Variants in TCF12 observed in about 807,000 individuals in gnomAD.
TCF12 encodes the protein transcription factor 12, also known as DNA-binding protein HTF4.
A neutral mutation model predicts 86.0 loss-of-function variants in TCF12; 45 were observed. The observed-to-expected ratio is 0.52, with a 90% CI of 0.41 to 0.67. TCF12 has a LOEUF of 0.67. Among genes scored for constraint, TCF12 ranks in the 30% least tolerant of loss-of-function variants. The probability of loss-of-function intolerance (pLI) is 0.00; values close to 1 mark genes in which losing one functional copy is unlikely to be tolerated. For missense variants in TCF12, 881 were observed against 859.9 expected (o/e 1.02, Z -0.31); for synonymous variants, 330 against 299.6 (o/e 1.10, Z -1.05).
intron 4 of TCF12, among the ~76,000 whole-genome samples, chr15:57,072,496 CTCT>C (rs2069487181): frequency 6.6e-6 from 1 of 151,966 alleles, no homozygotes; most frequent in South Asian, 2.1e-4. Flanking sequence ...ACTTTTTCTT[CTCT>C]AGTGTAGATA....
intron 8 of TCF12, among the ~76,000 whole-genome samples, chr15:57,206,620 C>T (rs1170458130): frequency 3.3e-5 from 4 of 122,340 alleles, no homozygotes; most frequent in Non-Finnish European, 6.4e-5. Context: ...GACAGTCTCG[C>T]TCTGTTGCCC....
chr15:57,188,111 C>G (rs1218100563), intron 6 of TCF12, among the ~76,000 whole-genome samples: 1 of 151,900 alleles, frequency 6.6e-6, no homozygotes, highest in Non-Finnish European at 1.5e-5. Context: ...AGTAAAGTTG[C>G]AGGATGTATG....
At chr15:56,945,820 G>C (rs2060970257) in intron 3 of TCF12, among the ~76,000 whole-genome samples, 1 of 152,140 alleles carries the variant, frequency 6.6e-6, no homozygotes, top group Non-Finnish European at 1.5e-5. Flanking sequence ...TCATCCTCAT[G>C]AATTGATTAA....
At chr15:57,258,710 C>T (rs1388763170) in intron 16 of TCF12, among the ~76,000 whole-genome samples, 5 of 151,986 alleles carry the variant, frequency 3.3e-5, no homozygotes, top group African/African-American at 1.2e-4. Context: ...TGTATGAGAG[C>T]GTAGTAACTA....
chr15:57,281,416 T>C (rs1246051701), intron 19 of TCF12, among the ~76,000 whole-genome samples: 1 of 152,112 alleles, frequency 6.6e-6, no homozygotes, highest in East Asian at 1.9e-4. Flanking sequence ...TATCTATCCT[T>C]CTCCCTCGAA....
At chr15:57,020,033 A>G (rs1156315453) in intron 3 of TCF12, among the ~76,000 whole-genome samples, 1 of 152,222 alleles carries the variant, frequency 6.6e-6, no homozygotes, top group East Asian at 1.9e-4. Context: ...CTGTGAGGCT[A>G]GAAGCAAGGT....
At chr15:57,224,739 C>T (rs2058786681) in intron 8 of TCF12, among the ~76,000 whole-genome samples, 1 of 152,120 alleles carries the variant, frequency 6.6e-6, no homozygotes, top group East Asian at 1.9e-4. Flanking sequence ...ATATTTATCC[C>T]TTTTACAGAA....
chr15:57,239,218 G>T (rs541377218), intron 12 of TCF12, among the ~76,000 whole-genome samples: 1 of 152,158 alleles, frequency 6.6e-6, no homozygotes, highest in Admixed American at 6.5e-5. Flanking sequence ...TGGCATGGTG[G>T]TGCATGCCTG....
intron 5 of TCF12, among the ~76,000 whole-genome samples, chr15:57,115,615 T>C (rs915737575): frequency 2.6e-5 from 4 of 152,226 alleles, no homozygotes; most frequent in African/African-American, 9.6e-5. Context: ...TAATTTTTTT[T>C]CACTAATGCC....
At chr15:57,025,524 C>G (rs1354316974) in intron 3 of TCF12, among the ~76,000 whole-genome samples, 2 of 152,112 alleles carry the variant, frequency 1.3e-5, no homozygotes, top group Non-Finnish European at 2.9e-5. Flanking sequence ...GAATAATCCT[C>G]AGTCTGGAAA....
chr15:57,170,706 ATATAT>A (rs2055342789), intron 6 of TCF12, among the ~76,000 whole-genome samples: 1 of 26,196 alleles, frequency 3.8e-5, no homozygotes, highest in Non-Finnish European at 8.2e-5. Flanking sequence ...ATTATATATA[ATATAT>A]AATATATATA....
At chr15:57,181,486 T>G (rs1342798349) in intron 6 of TCF12, among the ~76,000 whole-genome samples, 3 of 152,124 alleles carry the variant, frequency 2.0e-5, no homozygotes, top group Non-Finnish European at 2.9e-5. Flanking sequence ...ACATAGGATA[T>G]TCTTCTGCCT....
At chr15:57,185,609 C>T (rs115357746) in intron 6 of TCF12, among the ~76,000 whole-genome samples, 1 of 152,096 alleles carries the variant, frequency 6.6e-6, no homozygotes, top group Admixed American at 6.6e-5. Context: ...TTAAAAATAT[C>T]AACAAGGTGA....
At chr15:57,119,401 G>T (rs1250659839) in intron 5 of TCF12, among the ~76,000 whole-genome samples, 1 of 149,824 alleles carries the variant, frequency 6.7e-6, no homozygotes, top group East Asian at 2.0e-4. Context: ...AATCCTCTCC[G>T]CTCAGCCTTC....
At chr15:57,164,781 A>G (rs1294578087) in intron 5 of TCF12, among the ~76,000 whole-genome samples, 1 of 152,140 alleles carries the variant, frequency 6.6e-6, no homozygotes, top group Non-Finnish European at 1.5e-5. Context: ...CCTGGGTTCA[A>G]ATGATTCTCT....
In TCF12 at chr15:57,273,091, C is replaced by T. The variant is rs1191340189; in HGVS notation, c.1807C>T (p.Arg603Trp). The change falls in exon 19 of 21, where the codon CGG (arginine) becomes TGG (tryptophan). Residue 603 changes from arginine (R) to tryptophan (W), a missense_variant. Arg to Trp is a moderately radical substitution (Grantham distance 101). Around this residue, in one of 3 missense-constraint regions of TCF12, gnomAD observed 46 missense variants for 76.7 expected, o/e 0.60. Transcript: ENST00000333725. ...GAAGATAGAAAGGGAGAAGGAGAGG[C>T]GGATGGCTAACAATGCCAGAGAACG... is the stretch of plus-strand genomic sequence containing the variant. ...EQKIEREKER[R>W]MANNARERLR... 1.2e-6 allele frequency: 2 copies of T among 1,614,170 alleles called. No homozygotes were observed. The highest frequency in any genetic ancestry group is 1.7e-5 in the Admixed American group (1 of 60,032).
rs1198441460 is a variant in TCF12 at position 56,958,678 on chromosome 15, A to AGAGTGT, written c.148+37581_148+37582insAGTGTG. On this transcript the variant is annotated intron_variant, in intron 3 of 20. Transcript: ENST00000333725. ...ATATGAGAAAGAGAGAGAGAGAGAGAGTGTGTGTGTGTGTGTGTGTGTGTG... is the reference window on the plus strand; with the variant it reads ...ATATGAGAAAGAGAGAGAGAGAGAGAGAGTGTGTGTGTGTGTGTGTGTGTGTGTGTG... Among the ~76,000 whole-genome samples the AGAGTGT allele has an allele frequency of 4.3e-4, 61 of 142,254 alleles. 1 individual carries two copies. The highest frequency in any genetic ancestry group is 4.3e-3 in the East Asian group (21 of 4,912). The allele number at this position is 142,254 out of a possible 152,430, so 93.3% of individuals were successfully genotyped here.
chr15:57,265,538 G>A (rs1255539258), intron 18 of TCF12, among the ~76,000 whole-genome samples: 1 of 152,102 alleles, frequency 6.6e-6, no homozygotes, highest in Non-Finnish European at 1.5e-5. Context: ...TTATTTTTAT[G>A]AGTCTTTCTT....
chr15:57,263,403 G>T, intron 18 of TCF12, 129 bp downstream of exon 18: 1 of 943,106 alleles, frequency 1.1e-6, no homozygotes, highest in Non-Finnish European at 1.6e-6. Context: ...TTTTGTGTAT[G>T]TTGTCTCATT....
Sources: gnomAD v4.1 joint callset for allele counts (sites outside exome capture counted in the v4.1 genomes callset) on GRCh38, gnomAD v4.1.1 for gene constraint, gnomAD v4.1.1 regional missense constraint, MANE v1.5 for transcripts, NCBI Gene and HGNC (gene_info 2026-07-23, HGNC 2026-07-21) for gene names.